The following ADCY2 variants were observed in gnomAD, a reference collection of about 807,000 sequenced individuals.
ADCY2 encodes adenylate cyclase type 2.
Under a neutral mutation model 125.2 loss-of-function variants are expected in ADCY2, and 31 were observed. That is an observed-to-expected ratio of 0.25 (90% CI 0.19 to 0.33). The LOEUF (loss-of-function observed/expected upper bound fraction) is 0.33, where lower values mean the gene tolerates loss of function less well. Ranked by LOEUF, ADCY2 falls within the 10% of genes least tolerant of loss-of-function variation. The pLI is 1.00. For synonymous variants in ADCY2, 512 were observed against 548.4 expected, an observed-to-expected ratio of 0.93 and a Z score of 0.93; for missense variants, 904 against 1,418.2, an observed-to-expected ratio of 0.64 and a Z score of 5.82.
chr5:7,679,557 G>A (rs968191548), intron 4 of ADCY2, among the ~76,000 whole-genome samples: 1 of 152,164 alleles, frequency 6.6e-6, no homozygotes, highest in African/African-American at 2.4e-5. Flanking sequence ...GCTGAGAACT[G>A]GGCAGAGCAG....
At chr5:7,770,975 C>T (rs1743538402) in intron 17 of ADCY2, among the ~76,000 whole-genome samples, 1 of 152,182 alleles carries the variant, frequency 6.6e-6, no homozygotes, top group Non-Finnish European at 1.5e-5. Context: ...TTATATTCAA[C>T]AGAAACAAGC....
At chr5:7,507,936 A>C (rs188288601) in intron 2 of ADCY2, among the ~76,000 whole-genome samples, 1 of 152,288 alleles carries the variant, frequency 6.6e-6, no homozygotes, top group Admixed American at 6.5e-5. Context: ...TTAAAAAAAA[A>C]CTTGCCAATA....
chr5:7,790,368 G>T (rs933288148), intron 20 of ADCY2, among the ~76,000 whole-genome samples: 1 of 152,218 alleles, frequency 6.6e-6, no homozygotes, highest in East Asian at 1.9e-4. Flanking sequence ...CATTAGAGTG[G>T]ATAGAAATGG....
At chr5:7,446,019 A>C (rs954355860) in intron 2 of ADCY2, among the ~76,000 whole-genome samples, 2 of 152,154 alleles carry the variant, frequency 1.3e-5, no homozygotes, top group African/African-American at 4.8e-5. Context: ...CATGTTTAAT[A>C]ATAGTGGCGA....
intron 3 of ADCY2, among the ~76,000 whole-genome samples, chr5:7,535,140 A>G (rs1734775227): frequency 6.6e-6 from 1 of 152,180 alleles, no homozygotes. Flanking sequence ...TCTCAGGTAC[A>G]AGTGATTCTC....
At position 7,698,386 on chromosome 5, in the gene ADCY2, G is replaced by T. The variant is rs1334720375; in HGVS notation, c.1109+12G>T. The T allele has an allele frequency of 6.2e-7, 1 of 1,613,736 alleles. No homozygotes were observed. The highest frequency in any genetic ancestry group is 8.5e-7 in the Non-Finnish European group (1 of 1,179,932). On this transcript the variant is annotated intron_variant, in intron 7 of 24. Coordinates refer to ENST00000338316, the MANE Select transcript of ADCY2 (RefSeq NM_020546.3). ...TGTGAAGCCATAAAGTAAGTGGACT[G>T]CTTAGTAAGCATTTTGTTATATGCT...
At chr5:7,627,840 A>G (rs1213635482) in intron 4 of ADCY2, among the ~76,000 whole-genome samples, 1 of 152,234 alleles carries the variant, frequency 6.6e-6, no homozygotes. Context: ...GCATGGCTCT[A>G]GGCACTGGGA....
chr5:7,472,551 T>C (rs1742380662), intron 2 of ADCY2, among the ~76,000 whole-genome samples: 1 of 152,168 alleles, frequency 6.6e-6, no homozygotes, highest in South Asian at 2.1e-4. Context: ...GGTTTATCTT[T>C]TATCAATTCA....
At chr5:7,656,669 A>G (rs1386909956) in intron 4 of ADCY2, among the ~76,000 whole-genome samples, 1 of 152,202 alleles carries the variant, frequency 6.6e-6, no homozygotes, top group Non-Finnish European at 1.5e-5. Flanking sequence ...TCTATATGGC[A>G]GCATTTCATC....
At chr5:7,649,035 T>TA (rs765377462) in intron 4 of ADCY2, among the ~76,000 whole-genome samples, 95 of 152,368 alleles carry the variant, frequency 6.2e-4, no homozygotes, top group Non-Finnish European at 1.0e-3. Flanking sequence ...GATCCACTTT[T>TA]AGAGATATAG....
chr5:7,783,097 G>C (rs538169676), intron 18 of ADCY2, among the ~76,000 whole-genome samples: 2 of 152,228 alleles, frequency 1.3e-5, no homozygotes, highest in African/African-American at 4.8e-5. Flanking sequence ...CTGGGACCAG[G>C]CAATTCTGTT....
chr5:7,401,681 G>C (rs1739269722), intron 1 of ADCY2, among the ~76,000 whole-genome samples: 1 of 152,184 alleles, frequency 6.6e-6, no homozygotes, highest in Non-Finnish European at 1.5e-5. Flanking sequence ...CTGTGCTTTT[G>C]TTGTCTGAGA....
intron 2 of ADCY2, among the ~76,000 whole-genome samples, chr5:7,492,857 T>G (rs1027651377): frequency 6.6e-6 from 1 of 152,214 alleles, no homozygotes; most frequent in South Asian, 2.1e-4. Flanking sequence ...AGTTATAGAT[T>G]GGGGCTCTTC....
intron 7 of ADCY2, among the ~76,000 whole-genome samples, chr5:7,705,184 G>A (rs1741228922): frequency 6.6e-6 from 1 of 152,198 alleles, no homozygotes; most frequent in Admixed American, 6.5e-5. Flanking sequence ...ATTGCTCAAA[G>A]ACAGAAGCAC....
intron 3 of ADCY2, among the ~76,000 whole-genome samples, chr5:7,563,258 T>C (rs1735780690): frequency 6.6e-6 from 1 of 152,200 alleles, no homozygotes; most frequent in South Asian, 2.1e-4. Context: ...AAATCCTTAA[T>C]TTTCCACAGT....
chr5:7,555,874 A>T (rs1229416873), intron 3 of ADCY2, among the ~76,000 whole-genome samples: 1 of 150,134 alleles, frequency 6.7e-6, no homozygotes, highest in Non-Finnish European at 1.5e-5. Flanking sequence ...ACACACACAC[A>T]CACACACACA....
intron 20 of ADCY2, chr5:7,793,626 C>T (rs2388802): frequency 0.79 from 120,741 of 152,080 alleles, 48,525 homozygotes; most frequent in African/African-American, 0.87. Flanking sequence ...AAGGGCAGCT[C>T]GGAAACTTTC....
intron 2 of ADCY2, among the ~76,000 whole-genome samples, chr5:7,518,856 A>T (rs9313194): frequency 0.71 from 107,330 of 152,106 alleles, 41,549 homozygotes; most frequent in East Asian, 0.91. Flanking sequence ...TGACAGCTGC[A>T]TGTATGACCA....
intron 15 of ADCY2, among the ~76,000 whole-genome samples, chr5:7,754,755 G>A (rs1742934348): frequency 6.6e-6 from 1 of 152,024 alleles, no homozygotes; most frequent in Non-Finnish European, 1.5e-5. Flanking sequence ...TACTCAGGAG[G>A]CTGAGACAGG....
Sources: allele counts gnomAD v4.1 joint callset (sites outside exome capture counted in the v4.1 genomes callset), GRCh38; gene constraint gnomAD v4.1.1; transcripts MANE v1.5; gene names NCBI Gene and HGNC (gene_info 2026-07-23, HGNC 2026-07-21).